Variants in NXPH2 observed in about 807,000 individuals in gnomAD.
NXPH2 encodes neurexophilin-2.
Under a neutral mutation model 19.8 loss-of-function variants are expected in NXPH2, and 5 were observed. The observed-to-expected ratio is 0.25, with a 90% CI of 0.13 to 0.53. The LOEUF (loss-of-function observed/expected upper bound fraction) is 0.53, where lower values mean the gene tolerates loss of function less well. Ranked by LOEUF, NXPH2 falls within the 20% of genes least tolerant of loss-of-function variation. The pLI is 0.96. For synonymous variants in NXPH2, 154 were observed against 127.4 expected (o/e 1.21, Z -1.41); for missense variants, 289 against 322.8 (o/e 0.90, Z 0.80).
chr2:138,765,754 A>G (rs1682079806), intron 1 of NXPH2, among the ~76,000 whole-genome samples: 1 of 152,242 alleles, frequency 6.6e-6, no homozygotes, highest in East Asian at 1.9e-4. Context: ...TACCAAAAAT[A>G]TAACCTGGGT....
intron 1 of NXPH2, among the ~76,000 whole-genome samples, chr2:138,751,700 C>T (rs1412908370): frequency 6.6e-6 from 1 of 152,040 alleles, no homozygotes; most frequent in Non-Finnish European, 1.5e-5. Context: ...ATAGTGTCAG[C>T]TTTCATGATG....
intron 1 of NXPH2, among the ~76,000 whole-genome samples, chr2:138,734,488 A>T (rs1001831316): frequency 1.3e-5 from 2 of 152,212 alleles, no homozygotes; most frequent in Non-Finnish European, 2.9e-5. Context: ...GGTAGAAAGG[A>T]AGAAATGGTC....
At chr2:138,692,271 T>C (rs1172440478) in intron 1 of NXPH2, among the ~76,000 whole-genome samples, 1 of 152,206 alleles carries the variant, frequency 6.6e-6, no homozygotes, top group African/African-American at 2.4e-5. Flanking sequence ...CTGAACACTG[T>C]CACATTGTCA....
At chr2:138,727,640 T>C (rs1427856399) in intron 1 of NXPH2, among the ~76,000 whole-genome samples, 1 of 135,254 alleles carries the variant, frequency 7.4e-6, no homozygotes, top group Non-Finnish European at 1.6e-5. Context: ...TTCTGGATAA[T>C]AGTCCTTTAT....
chr2:138,725,037 G>A (rs1008454817), intron 1 of NXPH2, among the ~76,000 whole-genome samples: 1 of 152,154 alleles, frequency 6.6e-6, no homozygotes, highest in Non-Finnish European at 1.5e-5. Context: ...TAACAAATGG[G>A]AACAGTGAGA....
intron 1 of NXPH2, among the ~76,000 whole-genome samples, chr2:138,728,872 G>A (rs1014106451): frequency 1.3e-5 from 2 of 152,182 alleles, no homozygotes; most frequent in African/African-American, 2.4e-5. Context: ...TAGTCTAAAT[G>A]TCGGGAATCA....
At chr2:138,774,598 T>G (rs1340584359) in intron 1 of NXPH2, among the ~76,000 whole-genome samples, 1 of 152,226 alleles carries the variant, frequency 6.6e-6, no homozygotes, top group Non-Finnish European at 1.5e-5. Context: ...ATTATTGACT[T>G]CATTTTATAG....
rs1185566646 is a variant in NXPH2, at chr2:138,671,471, A to G, written c.246T>C (p.Asp82=). ...GAATCTCCGTGATGTTGGCCAGCCA[A>G]TCCCAAAAGTTTTCCATGCTGTCTG... ...AYADSMENFW[D]WLANITEIQE... is the part of the protein sequence containing the mutation. The change falls in exon 2 of 2, where the codon GAT becomes GAC. Residue 82 remains aspartate (D), a synonymous_variant. Coordinates refer to ENST00000272641, the MANE Select transcript of NXPH2 (RefSeq NM_007226.3). 8 of 1,613,782 alleles carry G rather than the reference A, an allele frequency of 5.0e-6. No individual in the cohort carries two copies. In the African/African-American group the frequency reaches 8.0e-5, roughly 16 times the overall value.
chr2:138,682,378 C>T (rs1485326772), intron 1 of NXPH2, among the ~76,000 whole-genome samples: 1 of 152,066 alleles, frequency 6.6e-6, no homozygotes, highest in Non-Finnish European at 1.5e-5. Flanking sequence ...AGTAGTATGG[C>T]TTGCCCTAGA....
intron 1 of NXPH2, among the ~76,000 whole-genome samples, chr2:138,702,621 G>A (rs1205283758): frequency 4.1e-5 from 5 of 121,436 alleles, no homozygotes; most frequent in Non-Finnish European, 8.2e-5. Flanking sequence ...AAATTAACTT[G>A]AAGAGAAAAA....
chr2:138,767,806 C>T (rs80313341), intron 1 of NXPH2, among the ~76,000 whole-genome samples: 8,948 of 151,716 alleles, frequency 0.059, 401 homozygotes, highest in Non-Finnish European at 0.093. Context: ...TTGACCATGT[C>T]CTTCCTCTCA....
intron 1 of NXPH2, among the ~76,000 whole-genome samples, chr2:138,756,953 A>G (rs982761240): frequency 3.3e-5 from 5 of 152,214 alleles, no homozygotes; most frequent in Non-Finnish European, 5.9e-5. Flanking sequence ...TAAGCAAAGT[A>G]ACATAACACT....
At chr2:138,752,340 G>A (rs1041585116) in intron 1 of NXPH2, among the ~76,000 whole-genome samples, 12 of 152,086 alleles carry the variant, frequency 7.9e-5, no homozygotes, top group Admixed American at 4.6e-4. Flanking sequence ...AATTAACAAC[G>A]GAGAATTCAG....
At chr2:138,674,954 C>T (rs1680464762) in intron 1 of NXPH2, among the ~76,000 whole-genome samples, 1 of 152,190 alleles carries the variant, frequency 6.6e-6, no homozygotes, top group Admixed American at 6.5e-5. Flanking sequence ...ACTTCCCAAT[C>T]TCTATTCCCT....
In NXPH2 at chr2:138,780,374, C is replaced by CGGCA; in HGVS notation, c.-134_-133insTGCC. On this transcript the variant is annotated 5_prime_UTR_variant, in exon 1 of 2. Coordinates refer to ENST00000272641, the MANE Select transcript of NXPH2 (RefSeq NM_007226.3). ...TCCCTCCCGGAATCCGAGCGCTGCG[C>CGGCA]CGTGCCGCGCAGCTCTGGCCGGGTG... The CGGCA allele has an allele frequency of 3.8e-6, 1 of 262,884 alleles. No homozygotes were observed. The highest frequency in any genetic ancestry group is 6.6e-6 in the Non-Finnish European group (1 of 151,926). 16.3% of individuals were successfully genotyped at this position (262,884 alleles called of 1,614,324 possible).
intron 1 of NXPH2, among the ~76,000 whole-genome samples, chr2:138,698,243 G>A (rs939640132): frequency 5.3e-5 from 8 of 151,976 alleles, no homozygotes; most frequent in Admixed American, 4.6e-4. Flanking sequence ...TAAATGATAT[G>A]GGTTTTAATA....
At chr2:138,734,316 C>T (rs955032847) in intron 1 of NXPH2, among the ~76,000 whole-genome samples, 2 of 152,120 alleles carry the variant, frequency 1.3e-5, no homozygotes, top group Non-Finnish European at 2.9e-5. Context: ...CACTGAGAAG[C>T]AGGATTTACA....
At chr2:138,739,884 T>C (rs142153933) in intron 1 of NXPH2, among the ~76,000 whole-genome samples, 1 of 151,770 alleles carries the variant, frequency 6.6e-6, no homozygotes, top group Non-Finnish European at 1.5e-5. Flanking sequence ...GGGAAAAAAA[T>C]AGAAGTAGGG....
intron 1 of NXPH2, among the ~76,000 whole-genome samples, chr2:138,767,267 A>C (rs1682105776): frequency 6.6e-6 from 1 of 152,224 alleles, no homozygotes; most frequent in African/African-American, 2.4e-5. Context: ...TGGCCTGACC[A>C]CAGAAGGAAA....
Sources: allele counts gnomAD v4.1 joint callset (sites outside exome capture counted in the v4.1 genomes callset), GRCh38; gene constraint gnomAD v4.1.1; transcripts MANE v1.5; gene names NCBI Gene and HGNC (gene_info 2026-07-23, HGNC 2026-07-21).